PRR16: variants seen among roughly 807,000 people sequenced by gnomAD.
The protein encoded by PRR16 is proline rich 16, also known as protein Largen.
In PRR16, 6 loss-of-function variants were observed where a neutral mutation model predicts 18.2. That is an observed-to-expected ratio of 0.33 (90% CI 0.18 to 0.65). The LOEUF (loss-of-function observed/expected upper bound fraction) is 0.65. PRR16 is among the 30% of genes least tolerant of loss of function. PRR16 has a pLI of 0.74. For synonymous variants in PRR16, 151 were observed against 147.8 expected (o/e 1.02, Z -0.16); for missense variants, 412 against 376.6 (o/e 1.09, Z -0.78).
intron 1 of PRR16, among the ~76,000 whole-genome samples, chr5:120,646,073 T>TATATATATATATCA (rs1426273642): frequency 7.3e-6 from 1 of 137,482 alleles, no homozygotes; most frequent in East Asian, 2.1e-4. Context: ...TATATATATA[T>TATATATATATATCA]ATCATAGTTT....
chr5:120,594,398 A>G (rs1264180314), intron 1 of PRR16, among the ~76,000 whole-genome samples: 1 of 152,096 alleles, frequency 6.6e-6, no homozygotes, highest in Non-Finnish European at 1.5e-5. Flanking sequence ...CTAGGAATAC[A>G]GCTAATCAAG....
At chr5:120,679,097 T>C (rs1036310800) in intron 1 of PRR16, among the ~76,000 whole-genome samples, 2 of 152,168 alleles carry the variant, frequency 1.3e-5, no homozygotes, top group African/African-American at 2.4e-5. Flanking sequence ...CTTCCTTGTA[T>C]ACATGGTTTA....
the PRR16 span, among the ~76,000 whole-genome samples, chr5:120,721,368 A>T: frequency 6.6e-6 from 1 of 152,020 alleles, no homozygotes. Flanking sequence ...TCAAGGTGAG[A>T]TGATCTAGAA....
At chr5:120,765,319 T>G in the PRR16 span, among the ~76,000 whole-genome samples, 1 of 152,024 alleles carries the variant, frequency 6.6e-6, no homozygotes, top group Admixed American at 6.6e-5. Flanking sequence ...TAGTCTGTTT[T>G]TGATGATTCA....
intron 1 of PRR16, among the ~76,000 whole-genome samples, chr5:120,508,578 G>A (rs1372316574): frequency 6.6e-6 from 1 of 152,068 alleles, no homozygotes; most frequent in Non-Finnish European, 1.5e-5. Flanking sequence ...TAGAACAATG[G>A]TGTTAGCCCC....
chr5:120,618,614 G>A (rs1036710053), intron 1 of PRR16: 1 of 858,930 alleles, frequency 1.2e-6, no homozygotes, highest in African/African-American at 1.8e-5. Flanking sequence ...GACAAAAAAG[G>A]TATACTGAAA....
the PRR16 span, among the ~76,000 whole-genome samples, chr5:120,778,472 C>T: frequency 1.3e-5 from 2 of 151,968 alleles, no homozygotes; most frequent in Non-Finnish European, 2.9e-5. Context: ...TTTTATTTTG[C>T]TTTATTTCTA....
At chr5:120,556,358 G>T (rs959597976) in intron 1 of PRR16, among the ~76,000 whole-genome samples, 18 of 150,632 alleles carry the variant, frequency 1.2e-4, no homozygotes, top group Admixed American at 1.0e-3. Context: ...TTTTTGGGGT[G>T]CAGTCTTGCT....
chr5:120,749,035 T>C, the PRR16 span, among the ~76,000 whole-genome samples: 1 of 152,160 alleles, frequency 6.6e-6, no homozygotes, highest in African/African-American at 2.4e-5. Flanking sequence ...CAAGTGGCAG[T>C]AGTATGTCAA....
intron 1 of PRR16, among the ~76,000 whole-genome samples, chr5:120,571,730 T>C (rs1033588640): frequency 6.6e-6 from 1 of 152,146 alleles, no homozygotes; most frequent in Admixed American, 6.5e-5. Flanking sequence ...ACTCCAAAAC[T>C]TAGTGGCTTA....
downstream of PRR16, among the ~76,000 whole-genome samples, chr5:120,689,994 T>C (rs1396872245): frequency 2.0e-5 from 3 of 152,150 alleles, no homozygotes; most frequent in Non-Finnish European, 4.4e-5. Context: ...CTCTTCTGAT[T>C]TGACGTTATT....
chr5:120,740,918 C>T, the PRR16 span, among the ~76,000 whole-genome samples: 1 of 151,874 alleles, frequency 6.6e-6, no homozygotes, highest in Non-Finnish European at 1.5e-5. Context: ...ATTTTACTTT[C>T]ATAGCAAAAT....
At chr5:120,602,423 A>T (rs1433933241) in intron 1 of PRR16, among the ~76,000 whole-genome samples, 2 of 152,036 alleles carry the variant, frequency 1.3e-5, no homozygotes, top group African/African-American at 4.8e-5. Context: ...TTGTATTAGG[A>T]ATCTTTACTG....
chr5:120,680,865 T>C (rs895211211), intron 1 of PRR16, among the ~76,000 whole-genome samples: 35 of 152,312 alleles, frequency 2.3e-4, no homozygotes, highest in African/African-American at 8.4e-4. Context: ...CATAATCTTT[T>C]TTCCACTCGT....
the PRR16 span, among the ~76,000 whole-genome samples, chr5:120,792,929 G>A: frequency 6.6e-6 from 1 of 152,188 alleles, no homozygotes; most frequent in Non-Finnish European, 1.5e-5. Flanking sequence ...AGGCCAGGGG[G>A]ATCACTTGAG....
intron 1 of PRR16, among the ~76,000 whole-genome samples, chr5:120,469,970 G>C (rs146988615): frequency 1.3e-5 from 2 of 152,252 alleles, no homozygotes; most frequent in African/African-American, 4.8e-5. Context: ...TGAAGTAATA[G>C]ATAATAAAGC....
At chr5:120,725,964 G>A in the PRR16 span, among the ~76,000 whole-genome samples, 1 of 152,062 alleles carries the variant, frequency 6.6e-6, no homozygotes, top group African/African-American at 2.4e-5. Context: ...CTCCAGAGCT[G>A]TGGGTGACGT....
rs949346293 is a variant in PRR16 at position 120,686,704 on chromosome 5, G to A, written c.910G>A (p.Val304Met). The change falls in exon 2 of 2, where the codon GTG becomes ATG. Residue 304 changes from valine (V) to methionine (M), a missense_variant. Val to Met is a conservative substitution (Grantham distance 21). Transcript: ENST00000407149. ...CTTGAGGAAGTCAACCACTACAACC[G>A]TGTGATGTATGCCATTAAAAAAATT... The part of the protein sequence containing the change: ...TILRKSTTTT[V>M] 23 of 1,502,232 alleles carry A rather than the reference G, an allele frequency of 1.5e-5. No individual in the cohort carries two copies. The highest frequency in any genetic ancestry group is 4.5e-5 in the Admixed American group (2 of 44,514). The allele number at this position is 1,502,232 out of a possible 1,614,324, so 93.1% of individuals were successfully genotyped here. A position where few individuals can be genotyped will look rare whatever the true frequency, so the allele number is the denominator to read the frequency against.
rs200010683 is a variant in PRR16, at chr5:120,686,056, A to G, written c.262A>G (p.Thr88Ala). The G allele has an allele frequency of 9.0e-5, 146 of 1,614,140 alleles. No homozygotes were observed. The highest frequency in any genetic ancestry group is 3.2e-4 in the Admixed American group (19 of 60,012). ...GCTGAATAGTAGCTCAAGTGGCACA[A>G]CAGCCTCCAGCCTAGAGAAGATCAA... ...DTLNSSSSGT[T>A]ASSLEKIKVQ... is the part of the protein sequence containing the mutation. The change falls in exon 2 of 2, where the codon ACA becomes GCA. Residue 88 changes from threonine to alanine, a missense_variant. Physicochemically the swap from Thr to Ala is moderately conservative, Grantham distance 58. Coordinates refer to ENST00000407149, the MANE Select transcript of PRR16 (RefSeq NM_001300783.2).
Sources: gnomAD v4.1 joint callset for allele counts (sites outside exome capture counted in the v4.1 genomes callset) on GRCh38, gnomAD v4.1.1 for gene constraint, MANE v1.5 for transcripts, NCBI Gene and HGNC (gene_info 2026-07-23, HGNC 2026-07-21) for gene names.